TAFA2: variants seen among roughly 807,000 people sequenced by gnomAD.
TAFA2 encodes TAFA chemokine like family member 2.
In TAFA2, 7 loss-of-function variants were observed where a neutral mutation model predicts 18.8. The ratio of observed to expected loss-of-function variants is 0.37; its 90% confidence interval spans 0.21 to 0.70. TAFA2 has a LOEUF of 0.70. Ranked by LOEUF, TAFA2 falls within the 30% of genes least tolerant of loss-of-function variation. The pLI is 0.53. For synonymous variants in TAFA2, 60 were observed against 54.2 expected, an observed-to-expected ratio of 1.11 and a Z score of -0.47; for missense variants, 122 against 158.1, an observed-to-expected ratio of 0.77 and a Z score of 1.23.
chr12:62,248,582 TGTACA>T (rs1383342668), intron 1 of TAFA2, among the ~76,000 whole-genome samples: 1 of 152,150 alleles, frequency 6.6e-6, no homozygotes, highest in Non-Finnish European at 1.5e-5. Flanking sequence ...CATTTTTAAG[TGTACA>T]GTAAATTATT....
intron 1 of TAFA2, among the ~76,000 whole-genome samples, chr12:62,084,582 A>T (rs1000377488): frequency 2.6e-5 from 4 of 152,066 alleles, no homozygotes; most frequent in African/African-American, 9.7e-5. Context: ...TCAAAAGCAA[A>T]TTTCCTCCAG....
intron 1 of TAFA2, among the ~76,000 whole-genome samples, chr12:62,042,428 TGCGC>T (rs1555185799): frequency 3.6e-3 from 269 of 74,400 alleles, no homozygotes; most frequent in African/African-American, 0.012. Context: ...TGTGTGTGTG[TGCGC>T]GTGTGTGTGT....
At chr12:61,729,780 G>T (rs1298309788) in intron 4 of TAFA2, among the ~76,000 whole-genome samples, 3 of 152,028 alleles carry the variant, frequency 2.0e-5, no homozygotes, top group Non-Finnish European at 4.4e-5. Context: ...GTGATATTTT[G>T]AGGGTGTTAT....
intron 1 of TAFA2, among the ~76,000 whole-genome samples, chr12:62,094,096 T>G: frequency 6.6e-6 from 1 of 152,042 alleles, no homozygotes; most frequent in East Asian, 1.9e-4. Context: ...TTTTGTAACT[T>G]AGGTACCTAA....
chr12:61,962,532 C>A (rs1878921767), intron 1 of TAFA2, among the ~76,000 whole-genome samples: 1 of 151,872 alleles, frequency 6.6e-6, no homozygotes, highest in South Asian at 2.1e-4. Flanking sequence ...TAGATTACAT[C>A]CTCATGGGAA....
At chr12:62,125,998 T>C (rs1385690488) in intron 1 of TAFA2, among the ~76,000 whole-genome samples, 1 of 152,106 alleles carries the variant, frequency 6.6e-6, no homozygotes, top group Non-Finnish European at 1.5e-5. Flanking sequence ...TCGCATATAT[T>C]AGAATCCAGA....
At chr12:62,181,528 T>C (rs17125993) in intron 1 of TAFA2, among the ~76,000 whole-genome samples, 53,005 of 152,148 alleles carry the variant, frequency 0.35, 10,210 homozygotes, top group South Asian at 0.49. Context: ...GCATGACTAT[T>C]ACGAACTATA....
At chr12:61,923,951 A>G (rs1269098803) in intron 1 of TAFA2, among the ~76,000 whole-genome samples, 2 of 151,714 alleles carry the variant, frequency 1.3e-5, no homozygotes, top group African/African-American at 4.8e-5. Context: ...CACAAGTATC[A>G]ATAGCCAAAC....
At chr12:62,054,757 T>C (rs1485744591) in intron 1 of TAFA2, among the ~76,000 whole-genome samples, 1 of 152,218 alleles carries the variant, frequency 6.6e-6, no homozygotes, top group African/African-American at 2.4e-5. Context: ...GTACATTTCA[T>C]GGCATTTTAA....
At chr12:61,938,978 T>C (rs1366807354) in intron 1 of TAFA2, among the ~76,000 whole-genome samples, 3 of 151,836 alleles carry the variant, frequency 2.0e-5, no homozygotes, top group Non-Finnish European at 2.9e-5. Flanking sequence ...ACTACTCAGG[T>C]GGCGGGTGCA....
chr12:62,062,330 C>G lies in TAFA2; in HGVS notation c.-2+128929G>C, dbSNP rs17125794. ...TATCCTCTTGGGAGAACTCACACTT[C>G]TTGCATCTGGAGGGGAACACTGATG... is the stretch of plus-strand genomic sequence containing the variant. On this transcript the variant is annotated intron_variant, in intron 1 of 4. Transcript: ENST00000416284. Among the ~76,000 whole-genome samples the G allele has an allele frequency of 7.6e-3, 1,160 of 152,272 alleles. 19 individuals carry two copies. Among genetic ancestry groups the G allele is most frequent in the African/African-American group, 0.027 (1,124 of 41,558 alleles).
At chr12:62,100,704 A>C (rs1253260065) in intron 1 of TAFA2, among the ~76,000 whole-genome samples, 1 of 152,230 alleles carries the variant, frequency 6.6e-6, no homozygotes, top group Admixed American at 6.5e-5. Flanking sequence ...GGCACTCTGC[A>C]TGCAGTGACT....
At chr12:61,927,443 A>T (rs1017620303) in intron 1 of TAFA2, among the ~76,000 whole-genome samples, 1 of 152,194 alleles carries the variant, frequency 6.6e-6, no homozygotes, top group East Asian at 1.9e-4. Flanking sequence ...ATACCTAGGA[A>T]TACAACTTAC....
At chr12:62,047,131 TTAA>T (rs1565727400) in intron 1 of TAFA2, among the ~76,000 whole-genome samples, 3 of 152,056 alleles carry the variant, frequency 2.0e-5, no homozygotes, top group African/African-American at 7.2e-5. Flanking sequence ...GTGTACTGAT[TTAA>T]TAATAAGTAA....
At chr12:61,715,971 T>C (rs1304798201) in intron 4 of TAFA2, among the ~76,000 whole-genome samples, 1 of 152,054 alleles carries the variant, frequency 6.6e-6, no homozygotes, top group Non-Finnish European at 1.5e-5. Flanking sequence ...ACTTTGATGT[T>C]CCATGAAGGT....
At chr12:62,033,233 T>C (rs192262496) in intron 1 of TAFA2, among the ~76,000 whole-genome samples, 1 of 152,328 alleles carries the variant, frequency 6.6e-6, no homozygotes, top group East Asian at 1.9e-4. Context: ...AACACTACCA[T>C]GTGCCCACTC....
intron 1 of TAFA2, among the ~76,000 whole-genome samples, chr12:62,243,593 T>C (rs532410005): frequency 2.5e-4 from 38 of 152,334 alleles, no homozygotes; most frequent in African/African-American, 8.7e-4. Context: ...AAAGCTGAGA[T>C]GATGGCTCAG....
At chr12:61,968,404 C>T (rs1340033171) in intron 1 of TAFA2, among the ~76,000 whole-genome samples, 3 of 151,716 alleles carry the variant, frequency 2.0e-5, no homozygotes, top group African/African-American at 7.3e-5. Flanking sequence ...GCCCAGGCTT[C>T]AGGTCCCTAC....
intron 4 of TAFA2, among the ~76,000 whole-genome samples, chr12:61,711,359 C>T (rs1038723565): frequency 2.0e-5 from 3 of 151,506 alleles, no homozygotes; most frequent in African/African-American, 7.3e-5. Context: ...AGAAATATCT[C>T]GATTTCTGCT....
Sources: gnomAD v4.1 joint callset for allele counts (sites outside exome capture counted in the v4.1 genomes callset) on GRCh38, gnomAD v4.1.1 for gene constraint, MANE v1.5 for transcripts, NCBI Gene and HGNC (gene_info 2026-07-23, HGNC 2026-07-21) for gene names.